HCN1: variants seen among roughly 807,000 people sequenced by gnomAD.
HCN1 encodes hyperpolarization activated cyclic nucleotide gated potassium channel 1.
In HCN1, 13 loss-of-function variants were observed where a neutral mutation model predicts 78.9. The ratio of observed to expected loss-of-function variants is 0.16; its 90% CI spans 0.11 to 0.26. The LOEUF (loss-of-function observed/expected upper bound fraction) is 0.26. HCN1 is among the 10% of genes least tolerant of loss of function. HCN1 has a pLI of 1.00. For synonymous variants in HCN1, 552 were observed against 455.5 expected (o/e 1.21, Z -2.70); for missense variants, 810 against 1,154.3 (o/e 0.70, Z 4.32).
intron 2 of HCN1, among the ~76,000 whole-genome samples, chr5:45,517,866 C>A (rs1226801969): frequency 6.6e-6 from 1 of 152,002 alleles, no homozygotes; most frequent in Non-Finnish European, 1.5e-5. Flanking sequence ...CTTCTTATGG[C>A]CTATCTTTGG....
At chr5:45,618,999 T>G (rs952365540) in intron 2 of HCN1, among the ~76,000 whole-genome samples, 1 of 152,084 alleles carries the variant, frequency 6.6e-6, no homozygotes, top group Non-Finnish European at 1.5e-5. Context: ...TTGAGAGTAA[T>G]TACTATTTTA....
intron 2 of HCN1, among the ~76,000 whole-genome samples, chr5:45,614,522 G>A (rs371741156): frequency 5.3e-5 from 8 of 152,000 alleles, no homozygotes; most frequent in Non-Finnish European, 8.8e-5. Context: ...ACTTCTTCAC[G>A]TTGACAATGG....
At chr5:45,648,610 G>T (rs1181989107) in intron 1 of HCN1, among the ~76,000 whole-genome samples, 1 of 151,976 alleles carries the variant, frequency 6.6e-6, no homozygotes, top group Non-Finnish European at 1.5e-5. Flanking sequence ...AAGTAAATGG[G>T]TTCTTAAAAA....
rs1579757175 is a variant in HCN1 at position 45,255,404 on chromosome 5, A to T, written c.*6517T>A. 1 of 152,234 alleles carries T rather than the reference A, an allele frequency of 6.6e-6. No homozygotes were observed. 9.4% of individuals were successfully genotyped at this position (152,234 alleles called of 1,614,324 possible). On this transcript the variant is annotated 3_prime_UTR_variant, in exon 8 of 8. Coordinates refer to ENST00000303230, the MANE Select transcript of HCN1 (RefSeq NM_021072.4). ...TCCAATTTTTTCAATATTAATACAC[A>T]TATGAATCATCTGGGGATCTTGCCC...
chr5:45,361,829 GA>G (rs938536116), intron 4 of HCN1, among the ~76,000 whole-genome samples: 24 of 151,818 alleles, frequency 1.6e-4, no homozygotes, highest in African/African-American at 5.6e-4. Context: ...CATTGTTTTT[GA>G]AAAGTCAATT....
chr5:45,579,331 G>A (rs1579979824), intron 2 of HCN1, among the ~76,000 whole-genome samples: 1 of 151,964 alleles, frequency 6.6e-6, no homozygotes, highest in Non-Finnish European at 1.5e-5. Context: ...TTTTCCTACA[G>A]TCATCATCAA....
chr5:45,543,110 T>A (rs1743138079), intron 2 of HCN1, among the ~76,000 whole-genome samples: 1 of 152,140 alleles, frequency 6.6e-6, no homozygotes, highest in South Asian at 2.1e-4. Context: ...TATGTTCTTT[T>A]TATACCCATA....
At chr5:45,582,417 T>C (rs1744100969) in intron 2 of HCN1, among the ~76,000 whole-genome samples, 1 of 152,212 alleles carries the variant, frequency 6.6e-6, no homozygotes, top group East Asian at 1.9e-4. Flanking sequence ...AAGGAGATTT[T>C]GGGCTGAGAT....
chr5:45,308,584 G>A (rs1745785334), intron 5 of HCN1, among the ~76,000 whole-genome samples: 1 of 152,010 alleles, frequency 6.6e-6, no homozygotes, highest in Admixed American at 6.6e-5. Context: ...TATTGTTGTG[G>A]AGTTAATAAC....
rs1311848706 is a variant in HCN1, at chr5:45,259,773, A to G, written c.*2148T>C. 6.6e-6 allele frequency: 1 copy of G among 152,504 alleles called. No homozygotes were observed. The highest frequency in any genetic ancestry group is 1.5e-5 in the Non-Finnish European group (1 of 67,998). 9.4% of individuals were successfully genotyped at this position (152,504 alleles called of 1,614,324 possible). On this transcript the variant is annotated 3_prime_UTR_variant, in exon 8 of 8. Coordinates refer to ENST00000303230, the MANE Select transcript of HCN1 (RefSeq NM_021072.4). ...AAATATTTCACTACCAAATCCATTA[A>G]TCCTATCAAATGTAAACCTTTAATA...
intron 1 of HCN1, among the ~76,000 whole-genome samples, chr5:45,674,966 A>T (rs370547507): frequency 6.6e-6 from 1 of 151,816 alleles, no homozygotes; most frequent in South Asian, 2.1e-4. Flanking sequence ...GCATGCATAT[A>T]TAAGTACTTA....
chr5:45,402,664 T>A (rs937597530), intron 3 of HCN1, among the ~76,000 whole-genome samples: 5 of 152,136 alleles, frequency 3.3e-5, no homozygotes, highest in African/African-American at 1.2e-4. Flanking sequence ...AATAACAATT[T>A]TGAGAAGACA....
intron 2 of HCN1, chr5:45,641,688 T>C (rs1745457877): frequency 1.3e-5 from 2 of 152,224 alleles, no homozygotes; most frequent in South Asian, 2.1e-4. Flanking sequence ...GAGATAATCA[T>C]TACAGAGTAG....
intron 4 of HCN1, among the ~76,000 whole-genome samples, chr5:45,376,060 A>T (rs1210385060): frequency 1.8e-5 from 2 of 111,782 alleles, no homozygotes; most frequent in Non-Finnish European, 3.3e-5. Context: ...TATTATATAC[A>T]ATATAATATG....
rs184949822 is a variant in HCN1 at position 45,333,048 on chromosome 5, T to C, written c.1377+20052A>G. ...TCATATGGTAGCTCAATTTTTAGCT[T>C]TTTGAGGAAGCTCCAAACTGTTTTC... On this transcript the variant is annotated intron_variant, in intron 5 of 7. Coordinates refer to ENST00000303230, the MANE Select transcript of HCN1 (RefSeq NM_021072.4). 1.2e-4 allele frequency among the ~76,000 whole-genome samples: 18 copies of C among 151,840 alleles called. No individual in the cohort carries two copies. In the East Asian group the frequency reaches 3.1e-3, roughly 26 times the overall value.
intron 5 of HCN1, among the ~76,000 whole-genome samples, chr5:45,316,126 A>G (rs1229319135): frequency 6.6e-6 from 1 of 152,146 alleles, no homozygotes; most frequent in African/African-American, 2.4e-5. Flanking sequence ...AGAATTTTAG[A>G]CCAATATCCC....
chr5:45,564,437 T>C (rs1743667377), intron 2 of HCN1, among the ~76,000 whole-genome samples: 1 of 152,002 alleles, frequency 6.6e-6, no homozygotes, highest in African/African-American at 2.4e-5. Context: ...GGGGTTTCAC[T>C]GTGTTAACCA....
chr5:45,421,625 T>C (rs898477007), intron 3 of HCN1, among the ~76,000 whole-genome samples: 3 of 152,296 alleles, frequency 2.0e-5, no homozygotes, highest in East Asian at 3.9e-4. Context: ...TGATTTAATA[T>C]ATATTTTAAA....
Position 45,331,620 on chromosome 5 carries a change from T to C in HCN1, c.1377+21480A>G, listed in dbSNP as rs16902112. ...GCTCAGATCTTTCTAATATTTGTAG[T>C]TTTCTGTCACTCTTGAACACAAAGG... On this transcript the variant is annotated intron_variant, in intron 5 of 7. Transcript: ENST00000303230. Among the ~76,000 whole-genome samples, 628 of 151,470 alleles carry C rather than the reference T, an allele frequency of 4.1e-3. 24 individuals carry two copies. In the East Asian group the frequency reaches 0.11, roughly 27 times the overall value.
Sources: allele counts gnomAD v4.1 joint callset (sites outside exome capture counted in the v4.1 genomes callset), GRCh38; gene constraint gnomAD v4.1.1; transcripts MANE v1.5; gene names NCBI Gene and HGNC (gene_info 2026-07-23, HGNC 2026-07-21).